Variants in PPP2R5E observed in about 807,000 individuals in gnomAD.
PPP2R5E encodes the protein serine/threonine-protein phosphatase 2A 56 kDa regulatory subunit epsilon isoform.
Under a neutral mutation model 65.3 loss-of-function variants are expected in PPP2R5E, and 4 were observed. The ratio of observed to expected loss-of-function variants is 0.06; its 90% CI spans 0.03 to 0.14. PPP2R5E has a LOEUF of 0.14. PPP2R5E is among the 10% of genes least tolerant of loss of function. The pLI is 1.00. For missense variants in PPP2R5E, 274 were observed against 556.1 expected (o/e 0.49, Z 5.10); for synonymous variants, 183 against 187.4 (o/e 0.98, Z 0.19).
At chr14:63,518,571 A>T (rs1344471225) in intron 2 of PPP2R5E, among the ~76,000 whole-genome samples, 1 of 152,118 alleles carries the variant, frequency 6.6e-6, no homozygotes, top group Non-Finnish European at 1.5e-5. Flanking sequence ...TTTCTTTAAG[A>T]GACTTGATGT....
chr14:63,508,089 A>T, intron 2 of PPP2R5E: 1 of 926,222 alleles, frequency 1.1e-6, no homozygotes, highest in Non-Finnish European at 1.3e-6. Flanking sequence ...CCCTCACTCC[A>T]CCCTCCTTCC....
intron 2 of PPP2R5E, among the ~76,000 whole-genome samples, chr14:63,496,770 A>T (rs1195606055): frequency 2.0e-5 from 3 of 152,126 alleles, no homozygotes; most frequent in Non-Finnish European, 4.4e-5. Flanking sequence ...CTTAAATCTT[A>T]AAAGAATAAG....
intron 3 of PPP2R5E, among the ~76,000 whole-genome samples, chr14:63,430,558 A>C (rs1887620987): frequency 6.6e-6 from 1 of 152,196 alleles, no homozygotes; most frequent in Non-Finnish European, 1.5e-5. Flanking sequence ...TAATGGTCTC[A>C]ATAATAAAGA....
chr14:63,380,308 T>C (rs897840348), intron 13 of PPP2R5E, among the ~76,000 whole-genome samples: 1 of 152,092 alleles, frequency 6.6e-6, no homozygotes, highest in Non-Finnish European at 1.5e-5. Context: ...GATTTTAAGT[T>C]TGGGGCAAGG....
At chr14:63,379,392 C>T (rs1282880021) in intron 13 of PPP2R5E, among the ~76,000 whole-genome samples, 1 of 152,220 alleles carries the variant, frequency 6.6e-6, no homozygotes, top group Non-Finnish European at 1.5e-5. Flanking sequence ...CTGCCTCAGC[C>T]TCCTGAGTAG....
intron 2 of PPP2R5E, among the ~76,000 whole-genome samples, chr14:63,494,978 C>A (rs928582009): frequency 6.6e-6 from 1 of 151,766 alleles, no homozygotes; most frequent in Non-Finnish European, 1.5e-5. Context: ...CTGAGGCAGG[C>A]GGATCACTGG....
At chr14:63,407,201 C>T (rs1307993788) in intron 5 of PPP2R5E, among the ~76,000 whole-genome samples, 2 of 152,006 alleles carry the variant, frequency 1.3e-5, no homozygotes, top group South Asian at 2.1e-4. Flanking sequence ...TGTCCAAGGT[C>T]GAATACAAAA....
chr14:63,523,064 C>G (rs1353720594), intron 2 of PPP2R5E, among the ~76,000 whole-genome samples: 2 of 149,008 alleles, frequency 1.3e-5, no homozygotes, highest in Non-Finnish European at 3.0e-5. Flanking sequence ...CCCGGCCAGC[C>G]GCCCCGTCCG....
intron 5 of PPP2R5E, among the ~76,000 whole-genome samples, chr14:63,400,149 G>A (rs1412643643): frequency 6.6e-6 from 1 of 152,160 alleles, no homozygotes; most frequent in Non-Finnish European, 1.5e-5. Flanking sequence ...AGTATTTCAA[G>A]TAAATATTTA....
chr14:63,530,897 G>T (rs1253355656), intron 2 of PPP2R5E, among the ~76,000 whole-genome samples: 1 of 152,102 alleles, frequency 6.6e-6, no homozygotes, highest in Non-Finnish European at 1.5e-5. Context: ...GATTACAGGT[G>T]TGAGCCACCG....
At chr14:63,396,159 C>G (rs1256436578) in intron 6 of PPP2R5E, among the ~76,000 whole-genome samples, 3 of 52,322 alleles carry the variant, frequency 5.7e-5, no homozygotes, top group African/African-American at 8.7e-5. Context: ...AGGAGGAGGA[C>G]AGGGGATAGA....
At chr14:63,426,998 T>C (rs561100418) in intron 3 of PPP2R5E, among the ~76,000 whole-genome samples, 3 of 152,352 alleles carry the variant, frequency 2.0e-5, no homozygotes, top group Admixed American at 2.0e-4. Flanking sequence ...GATCTAAAAA[T>C]GGTTAAAAAC....
At chr14:63,485,216 AC>A (rs1314810200) in intron 2 of PPP2R5E, among the ~76,000 whole-genome samples, 63 of 150,756 alleles carry the variant, frequency 4.2e-4, no homozygotes, top group African/African-American at 1.2e-3. Flanking sequence ...AAAAAAAAAA[AC>A]ATACTGGCAA....
intron 2 of PPP2R5E, among the ~76,000 whole-genome samples, chr14:63,524,080 G>A (rs1396215473): frequency 6.6e-6 from 1 of 152,184 alleles, no homozygotes; most frequent in African/African-American, 2.4e-5. Flanking sequence ...CTTATTAGAA[G>A]ACAGTATTTT....
At chr14:63,376,154 G>T in intron 13 of PPP2R5E, 46 bp from the exon 14 acceptor site, 1 of 1,304,338 alleles carries the variant, frequency 7.7e-7, no homozygotes, top group Non-Finnish European at 1.1e-6. Flanking sequence ...GGTTTAATGA[G>T]ATTATGCAAC....
chr14:63,390,992 A>T (rs1049000180), intron 10 of PPP2R5E, among the ~76,000 whole-genome samples: 2 of 152,218 alleles, frequency 1.3e-5, no homozygotes, highest in South Asian at 4.1e-4. Context: ...TCATTTGTGA[A>T]TGGCTGAAAC....
intron 3 of PPP2R5E, chr14:63,451,950 T>G (rs1406483493): frequency 4.6e-5 from 7 of 152,178 alleles, no homozygotes; most frequent in African/African-American, 1.7e-4. Flanking sequence ...CAAACTGATG[T>G]GTGTATAAGG....
chr14:63,503,098 C>T (rs753468793), intron 2 of PPP2R5E, among the ~76,000 whole-genome samples: 1 of 152,258 alleles, frequency 6.6e-6, no homozygotes, highest in Non-Finnish European at 1.5e-5. Flanking sequence ...ATGAGCAATA[C>T]AGACCATAAA....
chr14:63,448,245 C>T (rs973512905), intron 3 of PPP2R5E, among the ~76,000 whole-genome samples: 3 of 151,766 alleles, frequency 2.0e-5, no homozygotes, highest in African/African-American at 7.3e-5. Flanking sequence ...TGCAATGAGC[C>T]GAGACAGAGC....
Sources: gnomAD v4.1 joint callset for allele counts (sites outside exome capture counted in the v4.1 genomes callset) on GRCh38, gnomAD v4.1.1 for gene constraint, MANE v1.5 for transcripts, NCBI Gene and HGNC (gene_info 2026-07-23, HGNC 2026-07-21) for gene names.